The following TBC1D9 variants were observed in gnomAD, a reference collection of about 807,000 sequenced individuals.
TBC1D9 encodes TBC1 domain family member 9A.
In TBC1D9, 63 loss-of-function variants were observed where a neutral mutation model predicts 132.0. That is an observed-to-expected ratio of 0.48 (90% CI 0.39 to 0.59). The LOEUF is 0.59. Ranked by LOEUF, TBC1D9 falls within the 20% of genes least tolerant of loss-of-function variation. The probability of loss-of-function intolerance (pLI) is 0.00; values close to 1 mark genes in which losing one functional copy is unlikely to be tolerated. For missense variants in TBC1D9, 1,261 were observed against 1,592.7 expected, an observed-to-expected ratio of 0.79 and a Z score of 3.54; for synonymous variants, 610 against 609.9, an observed-to-expected ratio of 1.00 and a Z score of 0.00.
In TBC1D9 at chr4:140,669,708, T is replaced by C. The variant is rs1379569823; in HGVS notation, c.1363A>G (p.Ser455Gly). The change falls in exon 8 of 21, where the codon AGC becomes GGC. Residue 455 changes from serine to glycine, a missense_variant. Transcript: ENST00000442267. ...GERQFNLNGN[S>G]VPTATQTLMT... ...AGGGTCTGTGTGGCTGTGGGGACGC[T>C]GTTGCCATTTAGGTTAAACTGGCGC... is the stretch of plus-strand genomic sequence containing the variant. 2.5e-6 allele frequency: 4 copies of C among 1,613,868 alleles called. No individual in the cohort carries two copies. The highest frequency in any genetic ancestry group is 3.4e-6 in the Non-Finnish European group (4 of 1,179,896).
intron 1 of TBC1D9, among the ~76,000 whole-genome samples, chr4:140,726,268 G>A (rs935131680): frequency 2.0e-5 from 3 of 151,864 alleles, no homozygotes; most frequent in Non-Finnish European, 2.9e-5. Context: ...CACCCTGGGC[G>A]ACGGAATGAG....
chr4:140,701,955 G>A (rs1431084429), intron 1 of TBC1D9, among the ~76,000 whole-genome samples: 1 of 152,166 alleles, frequency 6.6e-6, no homozygotes, highest in Non-Finnish European at 1.5e-5. Context: ...CAAACCCTGT[G>A]GGCACAAAAC....
intron 1 of TBC1D9, among the ~76,000 whole-genome samples, chr4:140,744,362 A>T (rs1418320738): frequency 6.6e-6 from 1 of 152,080 alleles, no homozygotes; most frequent in African/African-American, 2.4e-5. Flanking sequence ...AAACCAAAAA[A>T]CTAGTTCAGG....
intron 1 of TBC1D9, among the ~76,000 whole-genome samples, chr4:140,751,590 G>A (rs1031874118): frequency 6.6e-6 from 1 of 152,078 alleles, no homozygotes; most frequent in Non-Finnish European, 1.5e-5. Flanking sequence ...AAAGGAAATG[G>A]TATCTAAACA....
At chr4:140,752,420 A>G (rs1738940422) in intron 1 of TBC1D9, among the ~76,000 whole-genome samples, 1 of 152,214 alleles carries the variant, frequency 6.6e-6, no homozygotes, top group African/African-American at 2.4e-5. Flanking sequence ...AAAAACTACA[A>G]AGAAAATCAA....
chr4:140,622,394 C>G lies in TBC1D9; in HGVS notation c.3602G>C (p.Arg1201Pro). The change falls in exon 21 of 21, where the codon CGG becomes CCG. Residue 1201 changes from arginine (R) to proline (P), a missense_variant. By Grantham distance (103) the Arg-to-Pro change is moderately radical. Transcript: ENST00000442267. ...RSGQGTAALP[R>P]STSLDRDWAI... Reference sequence around the variant, plus strand: ...CCAGTCCCGGTCCAGGCTGGTGCTCCGGGGCAGTGCCGCCGTGCCCTGGCC... The same window carrying G: ...CCAGTCCCGGTCCAGGCTGGTGCTCGGGGGCAGTGCCGCCGTGCCCTGGCC... The G allele has an allele frequency of 3.1e-6, 5 of 1,612,762 alleles. No homozygotes were observed. The highest frequency in any genetic ancestry group is 4.2e-6 in the Non-Finnish European group (5 of 1,179,010).
chr4:140,674,458 C>A (rs1249592209), intron 6 of TBC1D9, among the ~76,000 whole-genome samples: 1 of 151,956 alleles, frequency 6.6e-6, no homozygotes, highest in African/African-American at 2.4e-5. Context: ...CGGAAAGGTC[C>A]AACCATAGGT....
At chr4:140,745,052 T>A (rs1297678901) in intron 1 of TBC1D9, among the ~76,000 whole-genome samples, 1 of 152,138 alleles carries the variant, frequency 6.6e-6, no homozygotes, top group African/African-American at 2.4e-5. Flanking sequence ...AATCTTTCAA[T>A]CCACCTGTTA....
chr4:140,695,136 C>A (rs1737933891), intron 2 of TBC1D9, among the ~76,000 whole-genome samples: 1 of 152,150 alleles, frequency 6.6e-6, no homozygotes, highest in Non-Finnish European at 1.5e-5. Flanking sequence ...CAGCCGCTAA[C>A]TAAAAGAATA....
intron 6 of TBC1D9, among the ~76,000 whole-genome samples, chr4:140,676,228 A>C (rs1156940096): frequency 6.6e-6 from 1 of 152,222 alleles, no homozygotes; most frequent in Non-Finnish European, 1.5e-5. Flanking sequence ...TCCTCTGACC[A>C]TGGTGCTTCC....
intron 13 of TBC1D9, chr4:140,643,938 T>TCCTCCA (rs1737055126): frequency 3.1e-6 from 2 of 652,660 alleles, no homozygotes; most frequent in South Asian, 1.5e-5. Context: ...CTCGTCCACA[T>TCCTCCA]CCTCCACCTC....
chr4:140,658,039 A>C (rs1737299039), intron 11 of TBC1D9, among the ~76,000 whole-genome samples: 1 of 152,226 alleles, frequency 6.6e-6, no homozygotes, highest in Non-Finnish European at 1.5e-5. Context: ...CCTTCCAAAA[A>C]AGAACAATCA....
intron 13 of TBC1D9, chr4:140,643,772 G>T: frequency 1.0e-6 from 1 of 978,448 alleles, no homozygotes; most frequent in Non-Finnish European, 1.5e-6. Context: ...CAAAGTCTGG[G>T]CACTCAGAGG....
chr4:140,679,965 T>C, intron 3 of TBC1D9, 122 bp from the exon 4 acceptor site: 2 of 698,122 alleles, frequency 2.9e-6, no homozygotes, highest in Non-Finnish European at 4.6e-6. Context: ...TGCCCTTCAA[T>C]GGCAACCCCC....
chr4:140,631,017 T>C (rs189772202), intron 16 of TBC1D9, among the ~76,000 whole-genome samples: 11 of 152,348 alleles, frequency 7.2e-5, no homozygotes, highest in Admixed American at 5.2e-4. Flanking sequence ...AATGAACTTA[T>C]TGCCCATCAC....
intron 2 of TBC1D9, among the ~76,000 whole-genome samples, chr4:140,696,582 T>C (rs774028682): frequency 5.3e-5 from 8 of 151,994 alleles, no homozygotes; most frequent in Non-Finnish European, 1.0e-4. Flanking sequence ...AGGTGCTTAT[T>C]ACAGTGGCAG....
chr4:140,698,744 G>C lies in TBC1D9; in HGVS notation c.241+2760C>G, dbSNP rs186268646. 3.2e-3 allele frequency among the ~76,000 whole-genome samples: 484 copies of C among 150,596 alleles called. 1 individual carries two copies. Among genetic ancestry groups the C allele is most frequent in the Admixed American group, 8.6e-3 (131 of 15,160 alleles). ...CAGAGTGAGACTCCATCTCGGGGGTGGGGGGGGGAAAGACATAATTACAAT... is the reference window on the plus strand; with the variant it reads ...CAGAGTGAGACTCCATCTCGGGGGTCGGGGGGGGAAAGACATAATTACAAT... On this transcript the variant is annotated intron_variant, in intron 2 of 20. Transcript: ENST00000442267.
intron 12 of TBC1D9, 69 bp downstream of exon 12, chr4:140,657,458 C>A: frequency 6.6e-7 from 1 of 1,510,804 alleles, no homozygotes; most frequent in Non-Finnish European, 9.0e-7. Context: ...AGTTAAGACT[C>A]ATGAAATGAA....
intron 9 of TBC1D9, among the ~76,000 whole-genome samples, chr4:140,668,437 T>A (rs1737481323): frequency 6.6e-6 from 1 of 152,198 alleles, no homozygotes; most frequent in East Asian, 1.9e-4. Context: ...GTTCCAATGA[T>A]GACCAAAGAC....
Sources: allele counts gnomAD v4.1 joint callset (sites outside exome capture counted in the v4.1 genomes callset), GRCh38; gene constraint gnomAD v4.1.1; transcripts MANE v1.5; gene names NCBI Gene and HGNC (gene_info 2026-07-23, HGNC 2026-07-21).